CHST11: variants seen among roughly 807,000 people sequenced by gnomAD.
CHST11 encodes the protein carbohydrate sulfotransferase 11.
In CHST11, 9 loss-of-function variants were observed where a neutral mutation model predicts 30.4. The ratio of observed to expected loss-of-function variants is 0.30; its 90% CI spans 0.18 to 0.52. The LOEUF (loss-of-function observed/expected upper bound fraction) is 0.52. CHST11 is among the 20% of genes least tolerant of loss of function. CHST11 has a pLI of 0.97. For synonymous variants in CHST11, 152 were observed against 187.8 expected (o/e 0.81, Z 1.56); for missense variants, 348 against 460.6 (o/e 0.76, Z 2.24).
chr12:104,543,436 C>T (rs981034173), intron 1 of CHST11, among the ~76,000 whole-genome samples: 2 of 152,202 alleles, frequency 1.3e-5, no homozygotes, highest in Non-Finnish European at 2.9e-5. Context: ...TTTTTGGCAA[C>T]ATGTCATATT....
At position 104,671,293 on chromosome 12, in the gene CHST11, C is replaced by G. The variant is rs115240172; in HGVS notation, c.204+69302C>G. Among the ~76,000 whole-genome samples the G allele has an allele frequency of 5.3e-3, 806 of 152,270 alleles. 8 individuals are homozygous for G. Among genetic ancestry groups the G allele is most frequent in the African/African-American group, 0.019 (771 of 41,560 alleles). On this transcript the variant is annotated intron_variant, in intron 2 of 2. Coordinates refer to ENST00000303694, the MANE Select transcript of CHST11 (RefSeq NM_018413.6). ...TGGGGTGTGGGTGGTAGGGAAAAGC[C>G]TGGAGCAGGGCTGCTTGGTTGAAAT...
At chr12:104,532,338 G>A (rs1795852) in intron 1 of CHST11, among the ~76,000 whole-genome samples, 92,122 of 148,882 alleles carry the variant, frequency 0.62, 28,787 homozygotes, top group East Asian at 0.97. Context: ...CCCGTTATAA[G>A]AATGAGCCAA....
chr12:104,564,784 A>G (rs1034810244), intron 1 of CHST11, among the ~76,000 whole-genome samples: 1 of 152,220 alleles, frequency 6.6e-6, no homozygotes, highest in African/African-American at 2.4e-5. Flanking sequence ...AATGAGATTT[A>G]ATGGACTCAC....
In CHST11 at chr12:104,717,305, AG is replaced by A. The variant is rs1445664024; in HGVS notation, c.205-39642del. On this transcript the variant is annotated intron_variant, in intron 2 of 2. Transcript: ENST00000303694. ...GTCAGGAAGATGGGAAAGTGAATGA[AG>A]GAATTCTCCATTTAGCTGCCCCAAA... 3.3e-5 allele frequency among the ~76,000 whole-genome samples: 5 copies of A among 152,354 alleles called. No homozygotes were observed. The East Asian group carries it at 7.7e-4, about 23-fold the overall frequency.
At chr12:104,560,079 A>G (rs1257386557) in intron 1 of CHST11, among the ~76,000 whole-genome samples, 1 of 152,142 alleles carries the variant, frequency 6.6e-6, no homozygotes, top group Non-Finnish European at 1.5e-5. Context: ...TACCAAGGAC[A>G]AAGGCTCAGA....
intron 2 of CHST11, among the ~76,000 whole-genome samples, chr12:104,688,384 G>T (rs1326188110): frequency 6.6e-6 from 1 of 152,114 alleles, no homozygotes; most frequent in African/African-American, 2.4e-5. Flanking sequence ...CCGAGGCAAG[G>T]AGAAGTAACT....
rs538742876 is a variant in CHST11, at chr12:104,566,632, C to T, written c.119-35274C>T. Reference sequence around the variant, plus strand: ...ACAGACAGCCTTTTTCCTCTCTTTGCAGCAGAGGGACTCCTTTGAACCCAT... The same window carrying T: ...ACAGACAGCCTTTTTCCTCTCTTTGTAGCAGAGGGACTCCTTTGAACCCAT... On this transcript the variant is annotated intron_variant, in intron 1 of 2. Transcript: ENST00000303694. Among the ~76,000 whole-genome samples the T allele has an allele frequency of 2.6e-5, 4 of 152,300 alleles. No homozygotes were observed. The South Asian group carries it at 8.3e-4, about 32-fold the overall frequency.
chr12:104,733,991 G>C (rs1042347315), intron 2 of CHST11, among the ~76,000 whole-genome samples: 1 of 152,230 alleles, frequency 6.6e-6, no homozygotes, highest in Non-Finnish European at 1.5e-5. Flanking sequence ...AGGAATGTGG[G>C]CTTATGCCTC....
chr12:104,526,358 A>G (rs2038125928), intron 1 of CHST11, among the ~76,000 whole-genome samples: 1 of 152,180 alleles, frequency 6.6e-6, no homozygotes, highest in African/African-American at 2.4e-5. Flanking sequence ...CCTCTATTGC[A>G]ATAAATTGAG....
chr12:104,466,848 C>T (rs919468045), intron 1 of CHST11, among the ~76,000 whole-genome samples: 1 of 152,168 alleles, frequency 6.6e-6, no homozygotes, highest in Non-Finnish European at 1.5e-5. Context: ...ACCCCTATGT[C>T]GTTATCTGTT....
intron 2 of CHST11, among the ~76,000 whole-genome samples, chr12:104,635,354 C>CA (rs1449211916): frequency 1.3e-5 from 2 of 152,250 alleles, no homozygotes; most frequent in Admixed American, 1.3e-4. Context: ...CCATCTATCG[C>CA]AAATGTTGCC....
At chr12:104,751,311 G>T (rs78906065) in intron 2 of CHST11, among the ~76,000 whole-genome samples, 3 of 152,280 alleles carry the variant, frequency 2.0e-5, no homozygotes, top group Non-Finnish European at 4.4e-5. Flanking sequence ...ATTGCCTTCA[G>T]AATTGTCCTT....
intron 1 of CHST11, among the ~76,000 whole-genome samples, chr12:104,590,184 G>A (rs116491571): frequency 0.017 from 2,546 of 152,178 alleles, 76 homozygotes; most frequent in African/African-American, 0.057. Context: ...CTGCACGTGC[G>A]CTGTCTATGT....
intron 1 of CHST11, among the ~76,000 whole-genome samples, chr12:104,533,909 G>T (rs1258321496): frequency 6.6e-6 from 1 of 152,170 alleles, no homozygotes; most frequent in Non-Finnish European, 1.5e-5. Flanking sequence ...CGTTGGATTG[G>T]GCCGAGGCTG....
intron 2 of CHST11, among the ~76,000 whole-genome samples, chr12:104,641,741 C>T (rs1239962667): frequency 6.6e-6 from 1 of 152,228 alleles, no homozygotes; most frequent in African/African-American, 2.4e-5. Context: ...ACCCTACCCA[C>T]CTTCCTACCA....
At chr12:104,669,532 C>A (rs574963349) in intron 2 of CHST11, among the ~76,000 whole-genome samples, 1 of 152,158 alleles carries the variant, frequency 6.6e-6, no homozygotes, top group Admixed American at 6.5e-5. Context: ...TTTGTTCATT[C>A]ATAAACGTTA....
At chr12:104,520,996 G>A (rs563066223) in intron 1 of CHST11, among the ~76,000 whole-genome samples, 53 of 152,296 alleles carry the variant, frequency 3.5e-4, no homozygotes, top group African/African-American at 1.3e-3. Flanking sequence ...TAGAGAATCT[G>A]AGCACTTAAT....
chr12:104,577,375 A>T (rs780893957), intron 1 of CHST11, among the ~76,000 whole-genome samples: 10 of 151,436 alleles, frequency 6.6e-5, no homozygotes, highest in Non-Finnish European at 1.5e-4. Flanking sequence ...TGCAGCCCAA[A>T]CTTGAGAGCT....
intron 1 of CHST11, among the ~76,000 whole-genome samples, chr12:104,503,961 G>T (rs1029022079): frequency 2.6e-5 from 4 of 152,212 alleles, no homozygotes; most frequent in Non-Finnish European, 5.9e-5. Context: ...ACTCAACCTT[G>T]TAATTTTGGG....
Sources: gnomAD v4.1 joint callset for allele counts (sites outside exome capture counted in the v4.1 genomes callset) on GRCh38, gnomAD v4.1.1 for gene constraint, MANE v1.5 for transcripts, NCBI Gene and HGNC (gene_info 2026-07-23, HGNC 2026-07-21) for gene names.